Variants in CENPP observed in about 807,000 individuals in gnomAD.
CENPP encodes centromere protein P.
CENPP carries 24 observed loss-of-function variants against 35.6 expected under a neutral mutation model. The observed-to-expected ratio is 0.67, with a 90% CI of 0.49 to 0.95. The LOEUF is 0.95. Among genes scored for constraint, CENPP ranks in the 40% least tolerant of loss-of-function variants. The pLI, the probability that CENPP is intolerant of heterozygous loss-of-function variation, is 0.00. For synonymous variants in CENPP, 120 were observed against 125.5 expected, an observed-to-expected ratio of 0.96 and a Z score of 0.29; for missense variants, 332 against 345.3, an observed-to-expected ratio of 0.96 and a Z score of 0.31.
intron 5 of CENPP, among the ~76,000 whole-genome samples, chr9:92,490,156 G>A (rs1846143679): frequency 1.3e-5 from 2 of 152,184 alleles, no homozygotes; most frequent in African/African-American, 2.4e-5. Flanking sequence ...ATATCAACTT[G>A]TTTAGTCTTC....
intron 4 of CENPP, among the ~76,000 whole-genome samples, chr9:92,371,422 AG>A (rs746152624): frequency 2.0e-5 from 3 of 152,134 alleles, no homozygotes; most frequent in Non-Finnish European, 4.4e-5. Flanking sequence ...TATAGCTTCC[AG>A]GGTTCCTTTT....
chr9:92,411,207 C>G (rs1843436015), intron 5 of CENPP, among the ~76,000 whole-genome samples: 1 of 152,146 alleles, frequency 6.6e-6, no homozygotes, highest in Admixed American at 6.5e-5. Context: ...CTCCTGACCT[C>G]GTGATCTGCC....
chr9:92,563,183 T>C (rs963688278), intron 5 of CENPP, among the ~76,000 whole-genome samples: 1 of 152,200 alleles, frequency 6.6e-6, no homozygotes, highest in Non-Finnish European at 1.5e-5. Flanking sequence ...TTTTAAAGCC[T>C]CAAGTCTCCA....
intron 5 of CENPP, chr9:92,393,020 C>CA (rs1588089776): frequency 7.6e-7 from 1 of 1,321,780 alleles, no homozygotes; most frequent in East Asian, 2.4e-5. Context: ...TATATAGAAA[C>CA]TTGTGTTTAT....
At chr9:92,587,542 A>G (rs1227484785) in intron 5 of CENPP, among the ~76,000 whole-genome samples, 1 of 152,222 alleles carries the variant, frequency 6.6e-6, no homozygotes, top group East Asian at 1.9e-4. Context: ...CATAAAAAGG[A>G]ATGAAATACT....
chr9:92,460,460 T>C, intron 5 of CENPP: 1 of 1,514,530 alleles, frequency 6.6e-7, no homozygotes, highest in Non-Finnish European at 9.2e-7. Context: ...AGTTAAAATT[T>C]TGGGAACGTT....
chr9:92,329,544 T>C (rs960606968), intron 1 of CENPP, among the ~76,000 whole-genome samples: 3 of 152,136 alleles, frequency 2.0e-5, no homozygotes, highest in African/African-American at 7.2e-5. Flanking sequence ...CTTTTTTGTT[T>C]TGTTTTTTGA....
intron 5 of CENPP, among the ~76,000 whole-genome samples, chr9:92,578,512 T>A (rs1340615741): frequency 2.0e-5 from 3 of 152,204 alleles, no homozygotes; most frequent in African/African-American, 7.2e-5. Flanking sequence ...TGAGATGGTA[T>A]CTCATTGTGG....
intron 5 of CENPP, among the ~76,000 whole-genome samples, chr9:92,599,840 T>G (rs923290393): frequency 8.5e-5 from 13 of 152,204 alleles, no homozygotes; most frequent in Admixed American, 3.3e-4. Flanking sequence ...CATGGTCAGA[T>G]TACTTTCCCC....
intron 5 of CENPP, among the ~76,000 whole-genome samples, chr9:92,389,061 A>G (rs1842560531): frequency 6.6e-6 from 1 of 152,204 alleles, no homozygotes; most frequent in African/African-American, 2.4e-5. Flanking sequence ...TGTGATTATC[A>G]TAAACTTTAT....
intron 5 of CENPP, chr9:92,464,770 T>TTATG: frequency 1.4e-6 from 1 of 727,086 alleles, no homozygotes; most frequent in South Asian, 1.5e-5. Context: ...ATATGGCATT[T>TTATG]TATGTGTGTG....
chr9:92,526,844 A>G (rs973981155), intron 5 of CENPP, among the ~76,000 whole-genome samples: 1 of 152,194 alleles, frequency 6.6e-6, no homozygotes, highest in African/African-American at 2.4e-5. Flanking sequence ...ACAGTAGTGT[A>G]TAGTAATGTC....
chr9:92,350,092 T>C (rs1841405207), intron 4 of CENPP, among the ~76,000 whole-genome samples: 2 of 152,268 alleles, frequency 1.3e-5, no homozygotes, highest in South Asian at 4.1e-4. Flanking sequence ...ATTTTAGATG[T>C]AATAGTCCCA....
chr9:92,541,442 C>T (rs1239159214), intron 5 of CENPP, among the ~76,000 whole-genome samples: 1 of 143,772 alleles, frequency 7.0e-6, no homozygotes, highest in African/African-American at 2.6e-5. Flanking sequence ...CACCCCCACA[C>T]CCCCACCCTC....
chr9:92,334,369 T>C (rs77394153), intron 2 of CENPP, among the ~76,000 whole-genome samples: 1 of 152,134 alleles, frequency 6.6e-6, no homozygotes, highest in Non-Finnish European at 1.5e-5. Flanking sequence ...TACGCCTGCC[T>C]CGGTCTCCCA....
chr9:92,332,079 G>A, intron 1 of CENPP, 91 bp from the exon 2 acceptor site: 1 of 721,796 alleles, frequency 1.4e-6, no homozygotes, highest in Non-Finnish European at 2.2e-6. Context: ...GAGTAAGAGG[G>A]ACAAAATGGG....
chr9:92,338,810 G>T (rs150623600), intron 3 of CENPP, among the ~76,000 whole-genome samples: 69 of 152,242 alleles, frequency 4.5e-4, no homozygotes, highest in African/African-American at 1.6e-3. Context: ...CCATTTGAAT[G>T]CTCCTTGGGG....
intron 5 of CENPP, among the ~76,000 whole-genome samples, chr9:92,549,614 T>G (rs1849542873): frequency 6.9e-6 from 1 of 145,366 alleles, no homozygotes; most frequent in African/African-American, 2.6e-5. Context: ...GCCACTGCAC[T>G]CCAGCCTGAG....
intron 5 of CENPP, chr9:92,414,913 G>A (rs959800326): frequency 4.7e-5 from 15 of 320,440 alleles, no homozygotes; most frequent in African/African-American, 2.6e-4. Context: ...AACCATTAAC[G>A]TTTAATTTAT....
Sources: allele counts gnomAD v4.1 joint callset (sites outside exome capture counted in the v4.1 genomes callset), GRCh38; gene constraint gnomAD v4.1.1; transcripts MANE v1.5; gene names NCBI Gene and HGNC (gene_info 2026-07-23, HGNC 2026-07-21).